GON4L: variants seen among roughly 807,000 people sequenced by gnomAD.
GON4L encodes the protein GON-4-like protein.
A neutral mutation model predicts 211.8 loss-of-function variants in GON4L; 87 were observed. The ratio of observed to expected loss-of-function variants is 0.41; its 90% CI spans 0.35 to 0.49. GON4L has a LOEUF of 0.49. GON4L is among the 20% of genes least tolerant of loss of function. The pLI is 0.15. For synonymous variants in GON4L, 875 were observed against 962.6 expected, an observed-to-expected ratio of 0.91 and a Z score of 1.68; for missense variants, 2,155 against 2,659.5, an observed-to-expected ratio of 0.81 and a Z score of 4.17.
intron 11 of GON4L, among the ~76,000 whole-genome samples, chr1:155,803,881 G>A (rs2102068985): frequency 6.6e-6 from 1 of 152,274 alleles, no homozygotes; most frequent in East Asian, 1.9e-4. Flanking sequence ...TGAGAATGGA[G>A]CTGAGTGACA....
chr1:155,840,386 A>T (rs140181854), intron 2 of GON4L, among the ~76,000 whole-genome samples: 1 of 152,182 alleles, frequency 6.6e-6, no homozygotes, highest in Non-Finnish European at 1.5e-5. Context: ...CTGTGTCAAT[A>T]CAGTATTTTG....
chr1:155,835,352 T>C (rs532777398), intron 2 of GON4L, among the ~76,000 whole-genome samples: 1 of 152,026 alleles, frequency 6.6e-6, no homozygotes, highest in African/African-American at 2.4e-5. Context: ...GTCCTCTGCC[T>C]AGGAAAACCA....
chr1:155,830,342 A>G (rs1412943911), intron 2 of GON4L, among the ~76,000 whole-genome samples: 4 of 151,184 alleles, frequency 2.6e-5, no homozygotes, highest in African/African-American at 7.3e-5. Flanking sequence ...CAATGGCACG[A>G]TCTCAGCTCA....
intron 14 of GON4L, among the ~76,000 whole-genome samples, chr1:155,778,547 A>G (rs927148458): frequency 6.6e-6 from 1 of 152,128 alleles, no homozygotes; most frequent in Non-Finnish European, 1.5e-5. Context: ...CACCATGCCT[A>G]GCCCTCAAAA....
chr1:155,814,181 C>A, intron 9 of GON4L, 149 bp downstream of exon 9: 1 of 846,882 alleles, frequency 1.2e-6, no homozygotes. Context: ...TCACTGAGTT[C>A]TAGCCTTCTC....
At chr1:155,802,682 G>A (rs956125364) in intron 11 of GON4L, among the ~76,000 whole-genome samples, 3 of 152,252 alleles carry the variant, frequency 2.0e-5, no homozygotes, top group South Asian at 2.1e-4. Context: ...CTGGCTGAGC[G>A]CGATGGCTCA....
At chr1:155,856,253 G>T (rs769471184) in intron 1 of GON4L, among the ~76,000 whole-genome samples, 1 of 151,736 alleles carries the variant, frequency 6.6e-6, no homozygotes, top group Admixed American at 6.6e-5. Flanking sequence ...CCAGAGACAA[G>T]GTCTCGCTCT....
chr1:155,771,669 G>C (rs1396137051), intron 18 of GON4L, among the ~76,000 whole-genome samples: 1 of 151,970 alleles, frequency 6.6e-6, no homozygotes, highest in East Asian at 1.9e-4. Flanking sequence ...GTAGAGACCA[G>C]TTCTCACTAT....
rs555838904 is a variant in GON4L at position 155,751,409 on chromosome 1, G to A, written c.6576+358C>T. On this transcript the variant is annotated intron_variant, in intron 31 of 31. Coordinates refer to ENST00000368331, the MANE Select transcript of GON4L (RefSeq NM_001282860.2). ...AAAAATAAATAAATTAGCCTGGCAT[G>A]GTGGTGGGTGCCTGTAATCCCAGCT... Among the ~76,000 whole-genome samples, 30 of 152,272 alleles carry A rather than the reference G, an allele frequency of 2.0e-4. No individual in the cohort carries two copies. The East Asian group carries it at 5.8e-3, about 29-fold the overall frequency.
intron 12 of GON4L, among the ~76,000 whole-genome samples, chr1:155,791,393 G>T (rs1448691290): frequency 6.6e-6 from 1 of 151,538 alleles, no homozygotes; most frequent in South Asian, 2.1e-4. Context: ...AGAATCCAGA[G>T]AAGAGTAATG....
Position 155,763,348 on chromosome 1 carries a change from T to A in GON4L, c.4690A>T (p.Thr1564Ser). The change falls in exon 22 of 32, where the codon ACT (threonine) becomes TCT (serine). Residue 1564 changes from threonine (T) to serine (S), a missense_variant. Around this residue, in one of 6 missense-constraint regions of GON4L, gnomAD observed 455 missense variants for 504.6 expected, o/e 0.90. Coordinates refer to ENST00000368331, the MANE Select transcript of GON4L (RefSeq NM_001282860.2). Reference protein sequence around the residue: ...EKPPTFASPETAPEVETSRTP... With the variant: ...EKPPTFASPESAPEVETSRTP... Reference sequence around the variant, plus strand: ...CTGCTGGTCTCCACTTCTGGAGCAGTCTCAGGTGAAGCAAAAGTAGGAGGC... The same window carrying A: ...CTGCTGGTCTCCACTTCTGGAGCAGACTCAGGTGAAGCAAAAGTAGGAGGC... 1 of 1,613,886 alleles carries A rather than the reference T, an allele frequency of 6.2e-7. No homozygotes were observed. Among genetic ancestry groups the A allele is most frequent in the Non-Finnish European group, 8.5e-7 (1 of 1,179,814 alleles).
chr1:155,773,508 G>A (rs557494896), intron 17 of GON4L: 18 of 375,188 alleles, frequency 4.8e-5, no homozygotes, highest in African/African-American at 2.1e-4. Context: ...TAACAATAGC[G>A]TATGCTCAAA....
intron 12 of GON4L, among the ~76,000 whole-genome samples, chr1:155,789,990 T>C (rs1304847511): frequency 6.6e-6 from 1 of 152,094 alleles, no homozygotes; most frequent in Admixed American, 6.6e-5. Flanking sequence ...TGGAGTGCAG[T>C]GGTAGTGGTA....
chr1:155,771,630 G>A (rs1352622736), intron 18 of GON4L, among the ~76,000 whole-genome samples: 1 of 152,056 alleles, frequency 6.6e-6, no homozygotes, highest in South Asian at 2.1e-4. Flanking sequence ...TCACCACCAT[G>A]CCGGGCTAAT....
rs1424420569 is a variant in GON4L at position 155,760,587 on chromosome 1, T to C, written c.4966A>G (p.Ile1656Val). Reference sequence around the variant, plus strand: ...TGGGTACTTGACTCAAATTCATAGATGACTTGAAGGAAGTCTTCATACTTG... The same window carrying C: ...TGGGTACTTGACTCAAATTCATAGACGACTTGAAGGAAGTCTTCATACTTG... Reference protein sequence around the residue: ...PGKYEDFLQVIYEFESSTQRR... With the variant: ...PGKYEDFLQVVYEFESSTQRR... The change falls in exon 24 of 32, where the codon ATC becomes GTC. Residue 1656 changes from isoleucine (I) to valine (V), a missense_variant. By Grantham distance (29) the Ile-to-Val change is conservative. This residue lies in a region of GON4L where 455 missense variants were observed against 504.6 expected (regional missense o/e 0.90). Transcript: ENST00000368331. 1 of 1,613,412 alleles carries C rather than the reference T, an allele frequency of 6.2e-7. No homozygotes were observed. Among genetic ancestry groups the C allele is most frequent in the Non-Finnish European group, 8.5e-7 (1 of 1,179,452 alleles).
At chr1:155,782,140 C>CT (rs142606588) in intron 14 of GON4L, among the ~76,000 whole-genome samples, 1 of 151,980 alleles carries the variant, frequency 6.6e-6, no homozygotes, top group Non-Finnish European at 1.5e-5. Flanking sequence ...TTGTTTTGTT[C>CT]TTTTTTTTCC....
rs749443987 is a variant in GON4L at position 155,783,822 on chromosome 1, C to T, written c.1892+164G>A. Among the ~76,000 whole-genome samples the T allele has an allele frequency of 2.6e-4, 40 of 152,194 alleles. 1 individual carries two copies. The highest frequency in any genetic ancestry group is 2.1e-4 in the South Asian group (1 of 4,834). ...GGCCTACAGCTGCACTGCCCCATAA[C>T]AAGGAGACTTCACTTGACACCTAAC... On this transcript the variant is annotated intron_variant, in intron 14 of 31. Transcript: ENST00000368331.
rs533505822 is a variant in GON4L, at chr1:155,839,795, T to C, written c.506-12767A>G. Among the ~76,000 whole-genome samples, 19 of 152,320 alleles carry C rather than the reference T, an allele frequency of 1.2e-4. 1 individual carries two copies. In the East Asian group the frequency reaches 3.3e-3, roughly 26 times the overall value. ...TGATTAAGTTAGCTATAATTAAAAGTGGAATCTTTCTAAAGAATGGTCTCC... is the reference window on the plus strand; with the variant it reads ...TGATTAAGTTAGCTATAATTAAAAGCGGAATCTTTCTAAAGAATGGTCTCC... On this transcript the variant is annotated intron_variant, in intron 2 of 31. Coordinates refer to ENST00000368331, the MANE Select transcript of GON4L (RefSeq NM_001282860.2).
chr1:155,770,857 C>T (rs1663120247), intron 19 of GON4L, among the ~76,000 whole-genome samples: 1 of 151,730 alleles, frequency 6.6e-6, no homozygotes, highest in Non-Finnish European at 1.5e-5. Flanking sequence ...GAGCAAGAGT[C>T]TGTCTAACAA....
Sources: allele counts gnomAD v4.1 joint callset (sites outside exome capture counted in the v4.1 genomes callset), GRCh38; gene constraint gnomAD v4.1.1; regional missense constraint gnomAD v4.1.1; transcripts MANE v1.5; gene names NCBI Gene and HGNC (gene_info 2026-07-23, HGNC 2026-07-21).